The following SMURF2 variants were observed in gnomAD, a reference collection of about 807,000 sequenced individuals.
The protein encoded by SMURF2 is SMAD specific E3 ubiquitin protein ligase 2.
Under a neutral mutation model 109.6 loss-of-function variants are expected in SMURF2, and 48 were observed. That is an observed-to-expected ratio of 0.44 (90% confidence interval 0.35 to 0.56). SMURF2 has a LOEUF of 0.56. Among genes scored for constraint, SMURF2 ranks in the 20% least tolerant of loss-of-function variants. SMURF2 has a pLI of 0.01. For missense variants in SMURF2, 575 were observed against 909.0 expected (o/e 0.63, Z 4.72); for synonymous variants, 288 against 317.1 (o/e 0.91, Z 0.97).
At chr17:64,593,698 A>G (rs1317310570) in intron 3 of SMURF2, 125 bp from the exon 4 acceptor site, 1 of 727,974 alleles carries the variant, frequency 1.4e-6, no homozygotes, top group Non-Finnish European at 2.0e-6. Flanking sequence ...GATTATGCAA[A>G]ATATGTCTTG....
intron 4 of SMURF2, among the ~76,000 whole-genome samples, chr17:64,591,773 T>C (rs1969754926): frequency 1.3e-5 from 2 of 152,232 alleles, no homozygotes; most frequent in South Asian, 2.1e-4. Context: ...TATAGCTGAA[T>C]GCTTTTACAA....
chr17:64,662,099 G>A lies in SMURF2; in HGVS notation c.-219C>T. 9.4e-7 allele frequency: 1 copy of A among 1,063,368 alleles called. No individual in the cohort carries two copies. Among genetic ancestry groups the A allele is most frequent in the Admixed American group, 5.4e-5 (1 of 18,418 alleles). 65.9% of individuals were successfully genotyped at this position (1,063,368 alleles called of 1,614,324 possible). A position where few individuals can be genotyped will look rare whatever the true frequency, so the allele number is the denominator to read the frequency against. On this transcript the variant is annotated 5_prime_UTR_variant, in exon 1 of 19. Transcript: ENST00000262435. ...TCCCACTTCTCCTTCCTCGGCCCGG[G>A]CCGCACAACAAAGCGGCAGCCGCGG...
At chr17:64,557,899 A>G (rs1390604674) in intron 12 of SMURF2, among the ~76,000 whole-genome samples, 177 bp from the exon 13 acceptor site, 1 of 152,230 alleles carries the variant, frequency 6.6e-6, no homozygotes, top group African/African-American at 2.4e-5. Flanking sequence ...AATAGCATAT[A>G]AAAACTCTAT....
chr17:64,551,575 T>G lies in SMURF2; in HGVS notation c.1869+9A>C, dbSNP rs1969046832. The G allele has an allele frequency of 6.2e-7, 1 of 1,613,354 alleles. No homozygotes were observed. The stretch of plus-strand genomic sequence containing the variant: ...TACACTAGTGATGTTATAATACTAA[T>G]GCACTAACCTCTAACTCCTTCTCAT... On this transcript the variant is annotated intron_variant, in intron 16 of 18. Transcript: ENST00000262435.
intron 16 of SMURF2, among the ~76,000 whole-genome samples, chr17:64,549,668 A>G (rs1969012683): frequency 6.6e-6 from 1 of 152,214 alleles, no homozygotes; most frequent in African/African-American, 2.4e-5. Flanking sequence ...AGGCACGAGA[A>G]TCGCTTGAAA....
chr17:64,652,198 C>A (rs1313560990), intron 1 of SMURF2, among the ~76,000 whole-genome samples: 2 of 152,252 alleles, frequency 1.3e-5, no homozygotes, highest in Middle Eastern at 3.4e-3. Context: ...AGGGCCCAAT[C>A]TAGGCTTTTC....
chr17:64,604,103 C>G (rs1287892336), intron 2 of SMURF2, among the ~76,000 whole-genome samples: 2 of 152,136 alleles, frequency 1.3e-5, no homozygotes, highest in Non-Finnish European at 2.9e-5. Flanking sequence ...CAACCCTTAA[C>G]AGGTCAAAAA....
At chr17:64,603,642 A>G (rs944656437) in intron 2 of SMURF2, among the ~76,000 whole-genome samples, 7 of 151,972 alleles carry the variant, frequency 4.6e-5, no homozygotes, top group Non-Finnish European at 1.0e-4. Context: ...AGTTAATGGT[A>G]GAATCTAGAT....
At chr17:64,656,010 A>C (rs1970700824) in intron 1 of SMURF2, among the ~76,000 whole-genome samples, 1 of 152,242 alleles carries the variant, frequency 6.6e-6, no homozygotes, top group Non-Finnish European at 1.5e-5. Flanking sequence ...AACTGAAAAG[A>C]TACTACATCA....
At chr17:64,653,801 A>G (rs1970669961) in intron 1 of SMURF2, among the ~76,000 whole-genome samples, 1 of 152,220 alleles carries the variant, frequency 6.6e-6, no homozygotes, top group Non-Finnish European at 1.5e-5. Flanking sequence ...ATGTACTCAA[A>G]TGTTTATTCG....
rs528977916 is a variant in SMURF2 at position 64,635,592 on chromosome 17, T to C, written c.52+26237A>G. Among the ~76,000 whole-genome samples the C allele has an allele frequency of 1.6e-4, 25 of 152,308 alleles. No homozygotes were observed. In the South Asian group the frequency reaches 5.2e-3, roughly 32 times the overall value. On this transcript the variant is annotated intron_variant, in intron 1 of 18. Transcript: ENST00000262435. ...GAATTAAACAATATGGCTTTTTGTG[T>C]CTGGCTTCTTTCAATCAACCTAATT... is the stretch of plus-strand genomic sequence containing the variant.
chr17:64,569,152 T>C (rs1270655697), intron 10 of SMURF2, among the ~76,000 whole-genome samples: 2 of 150,932 alleles, frequency 1.3e-5, no homozygotes, highest in Non-Finnish European at 3.0e-5. Flanking sequence ...ATACAAAAAT[T>C]AGCTCGGCGT....
chr17:64,568,237 G>A (rs562676790), intron 10 of SMURF2, among the ~76,000 whole-genome samples: 7 of 152,246 alleles, frequency 4.6e-5, no homozygotes, highest in Admixed American at 2.0e-4. Context: ...CAATCCGCCC[G>A]CCTCAGCCTC....
chr17:64,554,771 G>T, intron 15 of SMURF2, 85 bp downstream of exon 15: 1 of 1,265,694 alleles, frequency 7.9e-7, no homozygotes, highest in Non-Finnish European at 1.1e-6. Flanking sequence ...ACACTAAGTA[G>T]TACTATCTAA....
intron 2 of SMURF2, among the ~76,000 whole-genome samples, chr17:64,605,760 T>TATATATAC (rs1489724021): frequency 2.8e-5 from 4 of 141,412 alleles, no homozygotes; most frequent in Admixed American, 7.4e-5. Flanking sequence ...TATATATATA[T>TATATATAC]ATATATATAT....
At chr17:64,588,460 T>G (rs1178394499) in intron 5 of SMURF2, among the ~76,000 whole-genome samples, 3 of 152,010 alleles carry the variant, frequency 2.0e-5, no homozygotes, top group African/African-American at 7.2e-5. Flanking sequence ...TTAAAAATAA[T>G]TAATTACAAA....
chr17:64,572,016 G>A (rs1969405826), intron 9 of SMURF2, 60 bp from the exon 10 acceptor site: 1 of 1,441,244 alleles, frequency 6.9e-7, no homozygotes, highest in African/African-American at 1.4e-5. Flanking sequence ...AACCAAGCAA[G>A]TGTAAATGAC....
At position 64,583,559 on chromosome 17, in the gene SMURF2, T is replaced by C. The variant is rs782288805; in HGVS notation, c.486-15A>G. On this transcript the variant is annotated splice_polypyrimidine_tract_variant and intron_variant, in intron 6 of 18. Coordinates refer to ENST00000262435, the MANE Select transcript of SMURF2 (RefSeq NM_022739.4). ...TTTCTTCCCAGCTTAAATAAAAATA[T>C]TGAGTGATAAGGCATTAATAGGAAA... 3.1e-6 allele frequency: 5 copies of C among 1,603,434 alleles called. No homozygotes were observed. The highest frequency in any genetic ancestry group is 4.5e-5 in the East Asian group (2 of 44,816).
intron 1 of SMURF2, among the ~76,000 whole-genome samples, chr17:64,625,667 T>C (rs546815861): frequency 8.5e-4 from 130 of 152,164 alleles, no homozygotes; most frequent in Non-Finnish European, 1.7e-3. Flanking sequence ...TATCTCTTCC[T>C]AGAGGGCCTG....
Sources: gnomAD v4.1 joint callset for allele counts (sites outside exome capture counted in the v4.1 genomes callset) on GRCh38, gnomAD v4.1.1 for gene constraint, MANE v1.5 for transcripts, NCBI Gene and HGNC (gene_info 2026-07-23, HGNC 2026-07-21) for gene names.